RTN4: variants seen among roughly 807,000 people sequenced by gnomAD.
RTN4 encodes reticulon-4.
In RTN4, 32 loss-of-function variants were observed where a neutral mutation model predicts 90.4. The observed-to-expected ratio is 0.35, with a 90% CI of 0.27 to 0.48. The LOEUF (loss-of-function observed/expected upper bound fraction) is 0.48, where lower values mean the gene tolerates loss of function less well. RTN4 is among the 20% of genes least tolerant of loss of function. The pLI is 0.99. For missense variants in RTN4, 1,706 were observed against 1,430.2 expected (o/e 1.19, Z -3.11); for synonymous variants, 629 against 552.5 (o/e 1.14, Z -1.94).
chr2:55,018,338 C>A (rs1021355447), intron 3 of RTN4, among the ~76,000 whole-genome samples: 9 of 152,206 alleles, frequency 5.9e-5, no homozygotes, highest in Non-Finnish European at 1.2e-4. Flanking sequence ...AAATCTAGAA[C>A]TGAAACAAAT....
At chr2:55,102,241 T>A (rs989409435) in intron 1 of RTN4, among the ~76,000 whole-genome samples, 1 of 152,118 alleles carries the variant, frequency 6.6e-6, no homozygotes, top group Non-Finnish European at 1.5e-5. Context: ...TAAATGGAAT[T>A]TAGTTTGTTT....
intron 2 of RTN4, among the ~76,000 whole-genome samples, chr2:55,071,547 A>C (rs1668514078): frequency 8.1e-6 from 1 of 123,898 alleles, no homozygotes; most frequent in Admixed American, 9.4e-5. Flanking sequence ...TGCCATCAAA[A>C]AAAAAAAAAA....
At chr2:55,098,402 TA>T (rs1192417879) in intron 1 of RTN4, among the ~76,000 whole-genome samples, 1 of 152,128 alleles carries the variant, frequency 6.6e-6, no homozygotes, top group Non-Finnish European at 1.5e-5. Context: ...AACCATTATG[TA>T]GTAACAGAAT....
chr2:55,028,648 T>C (rs564702874), intron 1 of RTN4, among the ~76,000 whole-genome samples: 7 of 152,346 alleles, frequency 4.6e-5, no homozygotes, highest in East Asian at 3.9e-4. Context: ...TCTTTTGTTA[T>C]TGGCATATAT....
rs771024529 is a variant in RTN4 at position 55,025,996 on chromosome 2, T to A, written c.2103A>T (p.Leu701Phe). The A allele has an allele frequency of 1.9e-6, 3 of 1,612,810 alleles. No individual in the cohort carries two copies. Among genetic ancestry groups the A allele is most frequent in the Non-Finnish European group, 2.5e-6 (3 of 1,179,756 alleles). Residue 701 changes from leucine (L) to phenylalanine (F), a missense_variant, in exon 3 of 9, where the codon TTA becomes TTT. Transcript: ENST00000337526. Reference protein sequence around the residue: ...EAPYISIACDLIKETKLSAEP... With the variant: ...EAPYISIACDFIKETKLSAEP... ...CAGCAGAAAGCTTTGTTTCTTTAAT[T>A]AAATCACATGCAATAGATATATAAG... is the stretch of plus-strand genomic sequence containing the variant.
intron 1 of RTN4, among the ~76,000 whole-genome samples, chr2:55,038,727 C>A (rs760127172): frequency 6.6e-6 from 1 of 152,152 alleles, no homozygotes; most frequent in African/African-American, 2.4e-5. Context: ...TATATAGTTA[C>A]CCCATGACTC....
intron 1 of RTN4, 184 bp downstream of exon 1, chr2:55,049,561 G>A (rs1667975951): frequency 2.1e-6 from 2 of 957,206 alleles, no homozygotes; most frequent in Admixed American, 4.2e-5. Context: ...AACAAACCCG[G>A]GCTCCAAGGG....
intron 3 of RTN4, among the ~76,000 whole-genome samples, chr2:54,990,143 G>A (rs1229478449): frequency 2.0e-5 from 3 of 152,128 alleles, no homozygotes. Context: ...TCTATAAAAT[G>A]TATATTAAAA....
At chr2:55,028,353 A>G in intron 1 of RTN4, 133 bp from the exon 2 acceptor site, 2 of 655,244 alleles carry the variant, frequency 3.1e-6, no homozygotes, top group South Asian at 4.4e-5. Context: ...GGCCAAGATC[A>G]AAAGGAAGTC....
At chr2:55,078,676 A>G (rs943713252) in intron 2 of RTN4, among the ~76,000 whole-genome samples, 1 of 152,200 alleles carries the variant, frequency 6.6e-6, no homozygotes, top group Non-Finnish European at 1.5e-5. Flanking sequence ...CTTTCAAAAG[A>G]TTTACTGACA....
At chr2:55,030,486 T>C (rs1162911272) in intron 1 of RTN4, among the ~76,000 whole-genome samples, 1 of 152,162 alleles carries the variant, frequency 6.6e-6, no homozygotes, top group Non-Finnish European at 1.5e-5. Flanking sequence ...CAATCACAGA[T>C]CATGAAATTG....
At chr2:54,997,522 T>G (rs112809102) in intron 3 of RTN4, among the ~76,000 whole-genome samples, 3 of 152,096 alleles carry the variant, frequency 2.0e-5, no homozygotes, top group African/African-American at 7.2e-5. Context: ...CCCAAGAAAC[T>G]AGAAAACACA....
the RTN4 span, among the ~76,000 whole-genome samples, chr2:55,131,207 G>A: frequency 7.5e-5 from 10 of 132,458 alleles, no homozygotes; most frequent in African/African-American, 2.3e-4. Flanking sequence ...AGTTTTGTTT[G>A]TTTTTTGGGT....
chr2:55,034,307 C>A (rs1682530484), intron 1 of RTN4, among the ~76,000 whole-genome samples: 1 of 152,010 alleles, frequency 6.6e-6, no homozygotes, highest in African/African-American at 2.4e-5. Context: ...ACGAGACCAG[C>A]CCAGGCAACA....
At chr2:55,090,612 A>G (rs1424927978) in intron 1 of RTN4, among the ~76,000 whole-genome samples, 4 of 152,214 alleles carry the variant, frequency 2.6e-5, no homozygotes, top group Non-Finnish European at 5.9e-5. Context: ...GAGCTTGAGA[A>G]TTCCATGAAA....
chr2:55,062,806 T>C (rs972416704), intron 2 of RTN4, among the ~76,000 whole-genome samples: 1 of 152,264 alleles, frequency 6.6e-6, no homozygotes, highest in Non-Finnish European at 1.5e-5. Flanking sequence ...CTGGTCATTT[T>C]AACATCAATT....
chr2:55,132,852 C>T, the RTN4 span, among the ~76,000 whole-genome samples: 1 of 148,916 alleles, frequency 6.7e-6, no homozygotes, highest in Non-Finnish European at 1.5e-5. Flanking sequence ...AATAAATATA[C>T]CGATCATTTT....
intron 1 of RTN4, among the ~76,000 whole-genome samples, chr2:55,040,252 A>C (rs1277573363): frequency 6.6e-6 from 1 of 152,248 alleles, no homozygotes; most frequent in Non-Finnish European, 1.5e-5. Flanking sequence ...AAATATCAGA[A>C]TTTGATAAAA....
At chr2:54,998,736 C>A (rs1202413912) in intron 3 of RTN4, among the ~76,000 whole-genome samples, 1 of 152,150 alleles carries the variant, frequency 6.6e-6, no homozygotes, top group Non-Finnish European at 1.5e-5. Flanking sequence ...CATTTAAATT[C>A]ATTTTCAAAT....
Sources: gnomAD v4.1 joint callset for allele counts (sites outside exome capture counted in the v4.1 genomes callset) on GRCh38, gnomAD v4.1.1 for gene constraint, MANE v1.5 for transcripts, NCBI Gene and HGNC (gene_info 2026-07-23, HGNC 2026-07-21) for gene names.